CDH20: variants seen among roughly 807,000 people sequenced by gnomAD.
The protein encoded by CDH20 is cadherin 20.
A neutral mutation model predicts 74.2 loss-of-function variants in CDH20; 29 were observed. The observed-to-expected ratio is 0.39, with a 90% confidence interval of 0.29 to 0.53. The LOEUF (loss-of-function observed/expected upper bound fraction) is 0.53. CDH20 is among the 20% of genes least tolerant of loss of function. The probability of loss-of-function intolerance (pLI) is 0.69; values close to 1 mark genes in which losing one functional copy is unlikely to be tolerated. For missense variants in CDH20, 988 were observed against 1,048.3 expected (o/e 0.94, Z 0.79); for synonymous variants, 469 against 405.4 (o/e 1.16, Z -1.88).
intron 6 of CDH20, among the ~76,000 whole-genome samples, chr18:61,513,284 G>A (rs1305069440): frequency 7.4e-6 from 1 of 135,234 alleles, no homozygotes; most frequent in Non-Finnish European, 1.6e-5. Context: ...GATCTTTGTT[G>A]GTTTAAAGTC....
At chr18:61,419,034 T>G (rs1171246199) in intron 1 of CDH20, among the ~76,000 whole-genome samples, 3 of 152,216 alleles carry the variant, frequency 2.0e-5, no homozygotes, top group African/African-American at 7.2e-5. Context: ...TCCATAGCTA[T>G]GATGTATATA....
At chr18:61,518,408 T>G (rs1912080218) in intron 6 of CDH20, among the ~76,000 whole-genome samples, 1 of 151,724 alleles carries the variant, frequency 6.6e-6, no homozygotes, top group Non-Finnish European at 1.5e-5. Context: ...GTGAAGAAGC[T>G]TCAAGAGGAA....
At chr18:61,523,716 A>G (rs989594124) in intron 6 of CDH20, among the ~76,000 whole-genome samples, 9 of 152,384 alleles carry the variant, frequency 5.9e-5, no homozygotes, top group African/African-American at 2.2e-4. Flanking sequence ...TGGCACATAT[A>G]CAATACGGAA....
At chr18:61,535,747 G>A (rs1189203323) in intron 7 of CDH20, among the ~76,000 whole-genome samples, 1 of 152,222 alleles carries the variant, frequency 6.6e-6, no homozygotes, top group East Asian at 1.9e-4. Flanking sequence ...AGCAATGGAC[G>A]AAGTGCATTG....
At chr18:61,441,469 T>C (rs1909030153) in intron 1 of CDH20, among the ~76,000 whole-genome samples, 3 of 152,196 alleles carry the variant, frequency 2.0e-5, no homozygotes, top group Non-Finnish European at 4.4e-5. Flanking sequence ...ATTAAGGGAC[T>C]GGAGCTTATC....
chr18:61,549,787 A>T, intron 10 of CDH20, 191 bp from the exon 11 acceptor site: 1 of 611,990 alleles, frequency 1.6e-6, no homozygotes, highest in Non-Finnish European at 2.8e-6. Flanking sequence ...GTTTTGCCTA[A>T]AAGCAAGCAA....
chr18:61,476,451 T>G (rs1910389737), intron 1 of CDH20, among the ~76,000 whole-genome samples: 1 of 152,176 alleles, frequency 6.6e-6, no homozygotes, highest in African/African-American at 2.4e-5. Context: ...TCCAAATTCC[T>G]GATCCATAGA....
rs1287753673 is a variant in CDH20, at chr18:61,490,887, G to A, written c.246+88G>A. 4 of 1,423,462 alleles carry A rather than the reference G, an allele frequency of 2.8e-6. No individual in the cohort carries two copies. In the Admixed American group the frequency reaches 7.3e-5, roughly 26 times the overall value. The allele number at this position is 1,423,462 out of a possible 1,614,324, so 88.2% of individuals were successfully genotyped here. A position where few individuals can be genotyped will look rare whatever the true frequency, so the allele number is the denominator to read the frequency against. On this transcript the variant is annotated intron_variant, in intron 2 of 11. Coordinates refer to ENST00000262717, the MANE Select transcript of CDH20 (RefSeq NM_031891.4). The stretch of plus-strand genomic sequence containing the variant: ...ATCAAAGTTGACCTAGCCTTTATCT[G>A]AGACCTGAGAAAAACTAGAACAAGT...
intron 7 of CDH20, among the ~76,000 whole-genome samples, chr18:61,535,994 T>C (rs186489606): frequency 9.3e-4 from 141 of 152,272 alleles, no homozygotes; most frequent in African/African-American, 3.1e-3. Context: ...GGTGGGTCAT[T>C]AGCATGTTAA....
At chr18:61,385,389 T>C (rs1911560930) in intron 1 of CDH20, among the ~76,000 whole-genome samples, 1 of 152,112 alleles carries the variant, frequency 6.6e-6, no homozygotes, top group South Asian at 2.1e-4. Flanking sequence ...GTTAGGAAGA[T>C]TCTTTAATTG....
chr18:61,344,613 T>C (rs554350185), intron 1 of CDH20, among the ~76,000 whole-genome samples: 5 of 152,308 alleles, frequency 3.3e-5, no homozygotes, highest in African/African-American at 1.2e-4. Context: ...CTGTTAACCA[T>C]GATATCACTT....
At position 61,500,441 on chromosome 18, in the gene CDH20, TGCCAG is replaced by T; in HGVS notation, c.602_606del (p.Ala201GlyfsTer17). The T allele has an allele frequency of 6.2e-7, 1 of 1,613,282 alleles. No individual in the cohort carries two copies. The highest frequency in any genetic ancestry group is 8.5e-7 in the Non-Finnish European group (1 of 1,179,424). On this transcript the variant is annotated frameshift_variant, in exon 4 of 12. Coordinates refer to ENST00000262717, the MANE Select transcript of CDH20 (RefSeq NM_031891.4). LOFTEE classifies it high-confidence loss of function. ...CAGATGACCCGACCTACGGCAACAG[TGCCAG>T]GGTGGTGTACAGCATTCTTCAGGGC...
At chr18:61,476,832 C>T (rs984492587) in intron 1 of CDH20, among the ~76,000 whole-genome samples, 2 of 152,124 alleles carry the variant, frequency 1.3e-5, no homozygotes, top group African/African-American at 4.8e-5. Flanking sequence ...TTGTCTTGGG[C>T]CATTTGGGAA....
At chr18:61,501,624 A>T (rs1568166666) in intron 4 of CDH20, among the ~76,000 whole-genome samples, 1 of 152,176 alleles carries the variant, frequency 6.6e-6, no homozygotes, top group African/African-American at 2.4e-5. Flanking sequence ...ACCTGATCGA[A>T]TTTTTTTCCC....
intron 1 of CDH20, among the ~76,000 whole-genome samples, chr18:61,457,445 T>A (rs1350486676): frequency 6.6e-6 from 1 of 152,140 alleles, no homozygotes; most frequent in South Asian, 2.1e-4. Flanking sequence ...ATGAGGAAAC[T>A]GAGGCATAGA....
At chr18:61,335,748 C>G (rs1465755847) in intron 1 of CDH20, among the ~76,000 whole-genome samples, 1 of 152,208 alleles carries the variant, frequency 6.6e-6, no homozygotes, top group African/African-American at 2.4e-5. Flanking sequence ...AAAGGACAGT[C>G]TATAAAATAT....
intron 1 of CDH20, among the ~76,000 whole-genome samples, chr18:61,449,355 C>A (rs1331082212): frequency 6.6e-6 from 1 of 152,126 alleles, no homozygotes; most frequent in Non-Finnish European, 1.5e-5. Context: ...ACACTCTAAG[C>A]AATGAGTTCT....
chr18:61,408,037 ACT>A (rs1912386360), intron 1 of CDH20, among the ~76,000 whole-genome samples: 2 of 152,132 alleles, frequency 1.3e-5, no homozygotes, highest in African/African-American at 4.8e-5. Flanking sequence ...ATATATGAGA[ACT>A]CTCTGCACTA....
At chr18:61,341,742 C>T (rs1909958770) in intron 1 of CDH20, among the ~76,000 whole-genome samples, 1 of 152,084 alleles carries the variant, frequency 6.6e-6, no homozygotes, top group Non-Finnish European at 1.5e-5. Context: ...CAAGATCTCC[C>T]AAGGATGTTC....
Sources: allele counts gnomAD v4.1 joint callset (sites outside exome capture counted in the v4.1 genomes callset), GRCh38; gene constraint gnomAD v4.1.1; transcripts MANE v1.5; gene names NCBI Gene and HGNC (gene_info 2026-07-23, HGNC 2026-07-21).